Variants in PLXNA4 observed in about 807,000 individuals in gnomAD.
PLXNA4 encodes plexin-A4.
Under a neutral mutation model 191.8 loss-of-function variants are expected in PLXNA4, and 44 were observed. That is an observed-to-expected ratio of 0.23 (90% CI 0.18 to 0.29). The LOEUF (loss-of-function observed/expected upper bound fraction) is 0.29, where lower values mean the gene tolerates loss of function less well. Ranked by LOEUF, PLXNA4 falls within the 10% of genes least tolerant of loss-of-function variation. The pLI is 1.00. For synonymous variants in PLXNA4, 1,082 were observed against 1,009.5 expected (o/e 1.07, Z -1.36); for missense variants, 1,800 against 2,488.8 (o/e 0.72, Z 5.89).
At chr7:132,527,231 TCA>T (rs1799433697) in intron 1 of PLXNA4, among the ~76,000 whole-genome samples, 2 of 152,122 alleles carry the variant, frequency 1.3e-5, no homozygotes, top group African/African-American at 4.8e-5. Flanking sequence ...CTGCAGGACC[TCA>T]GCACCTCCTC....
At chr7:132,138,318 G>T (rs576188890) in intron 30 of PLXNA4, among the ~76,000 whole-genome samples, 7 of 152,290 alleles carry the variant, frequency 4.6e-5, no homozygotes, top group African/African-American at 1.7e-4. Flanking sequence ...TGACCAAGCC[G>T]TGGCCAGGTC....
intron 23 of PLXNA4, 63 bp from the exon 24 acceptor site, chr7:132,164,351 C>A (rs1796037298): frequency 1.3e-6 from 2 of 1,585,686 alleles, no homozygotes; most frequent in Non-Finnish European, 1.7e-6. Flanking sequence ...CCCCCAGTCC[C>A]TGCTTCTCCA....
At chr7:132,307,802 T>G (rs1801586115) in intron 3 of PLXNA4, among the ~76,000 whole-genome samples, 1 of 152,032 alleles carries the variant, frequency 6.6e-6, no homozygotes, top group Admixed American at 6.5e-5. Flanking sequence ...GTACTTTGTT[T>G]TGATTTCCTG....
chr7:132,428,196 C>T lies in PLXNA4; in HGVS notation c.1371+61096G>A, dbSNP rs188952318. Among the ~76,000 whole-genome samples the T allele has an allele frequency of 6.6e-5, 10 of 152,190 alleles. No homozygotes were observed. In the East Asian group the frequency reaches 1.4e-3, roughly 21 times the overall value. ...AGGGACAAATTCCTAATAGCGGGGA[C>T]GTCCCAGGAGGGTCCCTTTCCTGGG... is the stretch of plus-strand genomic sequence containing the variant. On this transcript the variant is annotated intron_variant, in intron 3 of 31. Coordinates refer to ENST00000321063, the MANE Select transcript of PLXNA4 (RefSeq NM_020911.2).
chr7:132,637,182 C>T (rs559235359), intron 2 of PLXNA4, among the ~76,000 whole-genome samples: 1 of 152,314 alleles, frequency 6.6e-6, no homozygotes, highest in Admixed American at 6.5e-5. Context: ...CCCTATTCCT[C>T]ATCCCCCATT....
chr7:132,451,714 C>T (rs560230154), intron 3 of PLXNA4, among the ~76,000 whole-genome samples: 83 of 152,308 alleles, frequency 5.4e-4, no homozygotes, highest in Middle Eastern at 3.4e-3. Flanking sequence ...GCTTGGTCCA[C>T]GGACTCCCAT....
intron 2 of PLXNA4, among the ~76,000 whole-genome samples, chr7:132,606,861 T>C (rs1802935149): frequency 6.6e-6 from 1 of 152,172 alleles, no homozygotes; most frequent in Non-Finnish European, 1.5e-5. Context: ...TGCCTTCAAC[T>C]TCAGTAGAAG....
At chr7:132,424,175 G>T (rs1273178486) in intron 3 of PLXNA4, among the ~76,000 whole-genome samples, 2 of 152,184 alleles carry the variant, frequency 1.3e-5, no homozygotes, top group East Asian at 3.9e-4. Flanking sequence ...AGAGGAGCAG[G>T]GAGCCCCTCA....
chr7:132,345,288 T>C (rs1803202523), intron 3 of PLXNA4, among the ~76,000 whole-genome samples: 1 of 152,228 alleles, frequency 6.6e-6, no homozygotes, highest in Non-Finnish European at 1.5e-5. Context: ...CCAAAGATCG[T>C]CATTAATCTC....
intron 20 of PLXNA4, among the ~76,000 whole-genome samples, chr7:132,179,411 C>CACACACACAAACAT (rs111283885): frequency 2.3e-3 from 343 of 147,852 alleles, no homozygotes; most frequent in African/African-American, 8.6e-3. Context: ...CAGATGCGCA[C>CACACACACAAACAT]GCACACAGAC....
At chr7:132,183,363 C>T (rs972103361) in intron 16 of PLXNA4, among the ~76,000 whole-genome samples, 2 of 152,206 alleles carry the variant, frequency 1.3e-5, no homozygotes, top group Non-Finnish European at 2.9e-5. Context: ...TTATCAAATG[C>T]CCACCATCAC....
chr7:132,341,133 G>A (rs944832875), intron 3 of PLXNA4, among the ~76,000 whole-genome samples: 1 of 152,156 alleles, frequency 6.6e-6, no homozygotes, highest in African/African-American at 2.4e-5. Flanking sequence ...AAGAGTTGGG[G>A]AGACTCATAA....
chr7:132,321,530 G>T (rs1355941123), intron 3 of PLXNA4, among the ~76,000 whole-genome samples: 3 of 152,114 alleles, frequency 2.0e-5, no homozygotes, highest in Admixed American at 2.0e-4. Context: ...GACATCTGCT[G>T]TCCACATTTC....
intron 3 of PLXNA4, among the ~76,000 whole-genome samples, chr7:132,444,264 C>G (rs558452817): frequency 1.3e-5 from 2 of 152,332 alleles, no homozygotes; most frequent in African/African-American, 2.4e-5. Context: ...TCTTCTCTTT[C>G]TTTTTTTGAG....
intron 9 of PLXNA4, among the ~76,000 whole-genome samples, chr7:132,214,534 C>A (rs1584855090): frequency 6.6e-6 from 1 of 152,132 alleles, no homozygotes; most frequent in South Asian, 2.1e-4. Context: ...GAAGGGACCA[C>A]TTCCACCACC....
At chr7:132,355,259 T>C (rs1487179499) in intron 3 of PLXNA4, among the ~76,000 whole-genome samples, 2 of 152,222 alleles carry the variant, frequency 1.3e-5, no homozygotes, top group Non-Finnish European at 2.9e-5. Flanking sequence ...CAGCTTCCCG[T>C]GTCCCAATTC....
chr7:132,174,711 G>A, intron 21 of PLXNA4, 67 bp downstream of exon 21: 1 of 1,580,990 alleles, frequency 6.3e-7, no homozygotes, highest in Non-Finnish European at 8.7e-7. Flanking sequence ...CCGAAAGAAG[G>A]GGCTGGACTT....
chr7:132,615,651 C>T (rs1326187544), intron 2 of PLXNA4, among the ~76,000 whole-genome samples: 1 of 152,198 alleles, frequency 6.6e-6, no homozygotes, highest in African/African-American at 2.4e-5. Context: ...TTCTTCCCTT[C>T]TGCGGCCCAT....
intron 2 of PLXNA4, among the ~76,000 whole-genome samples, chr7:132,627,683 C>T (rs1803407958): frequency 6.6e-6 from 1 of 152,156 alleles, no homozygotes; most frequent in Non-Finnish European, 1.5e-5. Flanking sequence ...TTTTGCCCTT[C>T]ATCCCTTCCA....
Sources: gnomAD v4.1 joint callset for allele counts (sites outside exome capture counted in the v4.1 genomes callset) on GRCh38, gnomAD v4.1.1 for gene constraint, MANE v1.5 for transcripts, NCBI Gene and HGNC (gene_info 2026-07-23, HGNC 2026-07-21) for gene names.